Variants in HS6ST3 observed in about 807,000 individuals in gnomAD.
HS6ST3 encodes heparan sulfate 6-O-sulfotransferase 3, also known as heparan-sulfate 6-O-sulfotransferase 3.
HS6ST3 carries 12 observed loss-of-function variants against 36.7 expected under a neutral mutation model. The observed-to-expected ratio is 0.33, with a 90% CI of 0.21 to 0.53. The LOEUF is 0.53. Ranked by LOEUF, HS6ST3 falls within the 20% of genes least tolerant of loss-of-function variation. HS6ST3 has a pLI of 0.95. For missense variants in HS6ST3, 584 were observed against 640.9 expected, an observed-to-expected ratio of 0.91 and a Z score of 0.96; for synonymous variants, 240 against 257.5, an observed-to-expected ratio of 0.93 and a Z score of 0.65.
chr13:96,496,356 TGTACA>T (rs1048039939), intron 1 of HS6ST3, among the ~76,000 whole-genome samples: 3 of 152,150 alleles, frequency 2.0e-5, no homozygotes, highest in Non-Finnish European at 4.4e-5. Context: ...CTTCCCGCTT[TGTACA>T]CTCACGCTGC....
chr13:96,702,688 T>C (rs1209005409), intron 1 of HS6ST3, among the ~76,000 whole-genome samples: 1 of 152,198 alleles, frequency 6.6e-6, no homozygotes, highest in Non-Finnish European at 1.5e-5. Context: ...GGGTATACTC[T>C]TTTAATTTCA....
chr13:96,428,427 G>T (rs2055598267), intron 1 of HS6ST3, among the ~76,000 whole-genome samples: 1 of 152,182 alleles, frequency 6.6e-6, no homozygotes, highest in South Asian at 2.1e-4. Context: ...GAGACTGGAG[G>T]TCTGAAATCA....
chr13:96,606,500 C>T (rs1398412563), intron 1 of HS6ST3, among the ~76,000 whole-genome samples: 1 of 151,834 alleles, frequency 6.6e-6, no homozygotes, highest in Non-Finnish European at 1.5e-5. Context: ...TATGTTCTCA[C>T]TTACAAGTGA....
intron 1 of HS6ST3, among the ~76,000 whole-genome samples, chr13:96,175,291 T>G (rs1021055388): frequency 5.9e-5 from 9 of 152,196 alleles, no homozygotes; most frequent in Non-Finnish European, 8.8e-5. Context: ...CGGGAGCGTG[T>G]GCACTTTCCC....
chr13:96,491,644 A>G (rs183903224), intron 1 of HS6ST3, among the ~76,000 whole-genome samples: 1 of 152,196 alleles, frequency 6.6e-6, no homozygotes, highest in East Asian at 1.9e-4. Context: ...ACTCATAGAC[A>G]TATGGGACCC....
chr13:96,098,169 AT>A (rs2053800566), intron 1 of HS6ST3, among the ~76,000 whole-genome samples: 1 of 152,192 alleles, frequency 6.6e-6, no homozygotes, highest in Admixed American at 6.5e-5. Flanking sequence ...TCAGAAACTC[AT>A]TTGTTTACTG....
intron 1 of HS6ST3, among the ~76,000 whole-genome samples, chr13:96,734,612 A>G (rs1377904148): frequency 6.7e-6 from 1 of 148,932 alleles, no homozygotes; most frequent in Non-Finnish European, 1.5e-5. Flanking sequence ...ATTTTAAATG[A>G]CATTTTTACA....
intron 1 of HS6ST3, among the ~76,000 whole-genome samples, chr13:96,725,228 A>G (rs570389168): frequency 6.6e-6 from 1 of 152,162 alleles, no homozygotes; most frequent in Admixed American, 6.5e-5. Context: ...TTCATTTTTA[A>G]TTATTCAGTT....
At chr13:96,119,216 ATAAAT>A (rs1420190041) in intron 1 of HS6ST3, among the ~76,000 whole-genome samples, 4 of 152,100 alleles carry the variant, frequency 2.6e-5, no homozygotes, top group Non-Finnish European at 5.9e-5. Context: ...CATATAAAAT[ATAAAT>A]TAATCTCATA....
intron 1 of HS6ST3, among the ~76,000 whole-genome samples, chr13:96,152,743 C>A (rs1443100410): frequency 6.6e-6 from 1 of 152,076 alleles, no homozygotes. Context: ...TGTTCCCTTT[C>A]CCCAAAACCT....
intron 1 of HS6ST3, among the ~76,000 whole-genome samples, chr13:96,182,193 G>C (rs776340075): frequency 6.6e-6 from 1 of 152,158 alleles, no homozygotes; most frequent in African/African-American, 2.4e-5. Context: ...TTTCTGTAAA[G>C]TCCTCTCTTA....
chr13:96,445,819 G>C (rs2055695281), intron 1 of HS6ST3, among the ~76,000 whole-genome samples: 1 of 151,976 alleles, frequency 6.6e-6, no homozygotes, highest in Non-Finnish European at 1.5e-5. Context: ...AGTGAGCCAA[G>C]ATCATACCAC....
chr13:96,556,274 G>A (rs1194518816), intron 1 of HS6ST3, among the ~76,000 whole-genome samples: 1 of 152,156 alleles, frequency 6.6e-6, no homozygotes, highest in Non-Finnish European at 1.5e-5. Flanking sequence ...TATTGGAATA[G>A]CTTTAGGTTT....
At chr13:96,584,236 T>C (rs1436012193) in intron 1 of HS6ST3, among the ~76,000 whole-genome samples, 1 of 152,152 alleles carries the variant, frequency 6.6e-6, no homozygotes, top group Non-Finnish European at 1.5e-5. Context: ...CTTCGCCTCC[T>C]GAGTTCAAGA....
chr13:96,441,205 T>G (rs778545394), intron 1 of HS6ST3, among the ~76,000 whole-genome samples: 1 of 152,184 alleles, frequency 6.6e-6, no homozygotes, highest in Non-Finnish European at 1.5e-5. Flanking sequence ...AAATAAATGC[T>G]TGTTGTTTTG....
At chr13:96,203,668 C>T (rs2054354594) in intron 1 of HS6ST3, among the ~76,000 whole-genome samples, 2 of 152,146 alleles carry the variant, frequency 1.3e-5, no homozygotes, top group South Asian at 4.2e-4. Flanking sequence ...GGGAAGGATG[C>T]TAGAAGCCAA....
chr13:96,403,073 T>C (rs866357755), intron 1 of HS6ST3, among the ~76,000 whole-genome samples: 10 of 152,316 alleles, frequency 6.6e-5, no homozygotes, highest in African/African-American at 2.4e-4. Context: ...TCTTTGTAAC[T>C]TTTGCTGTTC....
intron 1 of HS6ST3, among the ~76,000 whole-genome samples, chr13:96,431,762 G>A (rs1026422493): frequency 3.3e-5 from 5 of 152,134 alleles, no homozygotes; most frequent in South Asian, 2.1e-4. Context: ...CCAATTAGAC[G>A]TCTGTGCTCA....
chr13:96,487,693 A>G (rs1409532880), intron 1 of HS6ST3, among the ~76,000 whole-genome samples: 1 of 152,110 alleles, frequency 6.6e-6, no homozygotes, highest in Non-Finnish European at 1.5e-5. Context: ...CTCTTAATAT[A>G]TTTTACAGGT....
Sources: allele counts gnomAD v4.1 joint callset (sites outside exome capture counted in the v4.1 genomes callset), GRCh38; gene constraint gnomAD v4.1.1; transcripts MANE v1.5; gene names NCBI Gene and HGNC (gene_info 2026-07-23, HGNC 2026-07-21).